Variants in SLC25A24 observed in about 807,000 individuals in gnomAD.
The protein encoded by SLC25A24 is solute carrier family 25 member 24, also known as mitochondrial adenyl nucleotide antiporter SLC25A24.
SLC25A24 carries 49 observed loss-of-function variants against 60.7 expected under a neutral mutation model. The observed-to-expected ratio is 0.81, with a 90% CI of 0.64 to 1.02. The LOEUF (loss-of-function observed/expected upper bound fraction) is 1.02. Ranked by LOEUF, SLC25A24 falls within the 50% of genes least tolerant of loss-of-function variation. The pLI is 0.00. For missense variants in SLC25A24, 564 were observed against 586.3 expected (o/e 0.96, Z 0.39); for synonymous variants, 202 against 200.6 (o/e 1.01, Z -0.06).
rs1446538723 is a variant in SLC25A24 at position 108,200,196 on chromosome 1, G to A, written c.-58C>T. The A allele has an allele frequency of 6.8e-7, 1 of 1,462,898 alleles. No homozygotes were observed. The highest frequency in any genetic ancestry group is 2.7e-5 in the East Asian group (1 of 37,590). The allele number at this position is 1,462,898 out of a possible 1,614,324, so 90.6% of individuals were successfully genotyped here. A position where few individuals can be genotyped will look rare whatever the true frequency, so the allele number is the denominator to read the frequency against. On this transcript the variant is annotated 5_prime_UTR_variant, in exon 1 of 10. Coordinates refer to ENST00000565488, the MANE Select transcript of SLC25A24 (RefSeq NM_013386.5). Reference sequence around the variant, plus strand: ...AGTCACGGGAGATCGAGGGCTGCGGGGCGAGACCGGGACCAGCGCGAGGCC... The same window carrying A: ...AGTCACGGGAGATCGAGGGCTGCGGAGCGAGACCGGGACCAGCGCGAGGCC...
intron 1 of SLC25A24, chr1:108,199,443 C>G: frequency 6.2e-6 from 1 of 162,404 alleles, no homozygotes. Flanking sequence ...AATGGAATGC[C>G]GCCATTCCTT....
At chr1:108,160,039 C>T (rs1189129632) in intron 4 of SLC25A24, among the ~76,000 whole-genome samples, 21 of 151,102 alleles carry the variant, frequency 1.4e-4, no homozygotes, top group African/African-American at 3.4e-4. Flanking sequence ...CCTGTAGGGG[C>T]GGCCGGGCAG....
At chr1:108,183,328 T>C (rs1350702763) in intron 2 of SLC25A24, among the ~76,000 whole-genome samples, 1 of 152,198 alleles carries the variant, frequency 6.6e-6, no homozygotes, top group Non-Finnish European at 1.5e-5. Context: ...ATTATGCAAA[T>C]ACCCTTCTGA....
intron 5 of SLC25A24, among the ~76,000 whole-genome samples, chr1:108,155,706 T>G (rs922945406): frequency 2.2e-4 from 34 of 152,110 alleles, no homozygotes; most frequent in African/African-American, 8.2e-4. Context: ...AAATAAAAAT[T>G]GCACCCTCTT....
At chr1:108,153,183 C>G (rs1210468752) in intron 6 of SLC25A24, among the ~76,000 whole-genome samples, 2 of 152,186 alleles carry the variant, frequency 1.3e-5, no homozygotes, top group African/African-American at 4.8e-5. Flanking sequence ...CACACTATTA[C>G]ACTGTCAATG....
At chr1:108,162,605 T>A (rs1680119327) in intron 3 of SLC25A24, among the ~76,000 whole-genome samples, 1 of 152,186 alleles carries the variant, frequency 6.6e-6, no homozygotes, top group Non-Finnish European at 1.5e-5. Flanking sequence ...TCGAGAAGTG[T>A]CTGTTCATGT....
chr1:108,161,372 G>A, intron 3 of SLC25A24, 79 bp from the exon 4 acceptor site: 1 of 756,896 alleles, frequency 1.3e-6, no homozygotes, highest in Non-Finnish European at 2.3e-6. Flanking sequence ...TTTACAGAAT[G>A]ACAGTTTCTT....
intron 1 of SLC25A24, among the ~76,000 whole-genome samples, chr1:108,198,160 A>T (rs2101651129): frequency 6.6e-6 from 1 of 152,302 alleles, no homozygotes; most frequent in South Asian, 2.1e-4. Context: ...AGCCTGCGGA[A>T]CTGTGAGCTA....
chr1:108,151,060 G>A (rs566468621), intron 6 of SLC25A24, among the ~76,000 whole-genome samples: 1 of 152,070 alleles, frequency 6.6e-6, no homozygotes, highest in African/African-American at 2.4e-5. Context: ...AATTAGCTGG[G>A]TGTTGTGGTG....
At chr1:108,158,077 C>A (rs935441450) in intron 4 of SLC25A24, among the ~76,000 whole-genome samples, 11 of 152,026 alleles carry the variant, frequency 7.2e-5, no homozygotes, top group African/African-American at 2.7e-4. Flanking sequence ...CATATTTATA[C>A]CATGATATGT....
chr1:108,174,341 C>G (rs1328822073), intron 3 of SLC25A24, among the ~76,000 whole-genome samples: 1 of 152,190 alleles, frequency 6.6e-6, no homozygotes, highest in Non-Finnish European at 1.5e-5. Context: ...GGTGCAAGCC[C>G]CAAGCCCTGG....
intron 3 of SLC25A24, 65 bp downstream of exon 3, chr1:108,181,876 A>C: frequency 8.4e-7 from 1 of 1,188,382 alleles, no homozygotes; most frequent in Non-Finnish European, 1.2e-6. Context: ...CACACTTACA[A>C]ACACAGAGTT....
rs1298563046 is a variant in SLC25A24, at chr1:108,157,467, T to A, written c.664A>T (p.Met222Leu). The change falls in exon 5 of 10, where the codon ATG becomes TTG. Residue 222 changes from methionine to leucine, a missense_variant. Physicochemically the swap from Met to Leu is conservative, Grantham distance 15. Coordinates refer to ENST00000565488, the MANE Select transcript of SLC25A24 (RefSeq NM_013386.5). ...CACACGATAATAAAGCTCACCTGCATCATGATTTTCAGACGGTCCAAAGGG... is the reference window on the plus strand; with the variant it reads ...CACACGATAATAAAGCTCACCTGCAACATGATTTTCAGACGGTCCAAAGGG... ...TAPLDRLKIM[M>L]QVHGSKSDKM... The A allele has an allele frequency of 6.2e-7, 1 of 1,613,538 alleles. No homozygotes were observed. The highest frequency in any genetic ancestry group is 8.5e-7 in the Non-Finnish European group (1 of 1,179,660).
Position 108,181,966 on chromosome 1 carries a change from G to T in SLC25A24, c.373C>A (p.Gln125Lys), listed in dbSNP as rs143444253. ...CTTTGAAGAATCAACTCTGCTTGTT[G>T]TTCAGAAATAGTCAGACCCAGTGTC... is the stretch of plus-strand genomic sequence containing the variant. ...LQTLGLTISEQQAELILQSID... is the reference protein window; with the variant it reads ...LQTLGLTISEKQAELILQSID... Residue 125 changes from glutamine to lysine, a missense_variant, in exon 3 of 10, where the codon CAA (glutamine) becomes AAA (lysine). Transcript: ENST00000565488. 94 of 1,611,938 alleles carry T rather than the reference G, an allele frequency of 5.8e-5. 1 individual carries two copies. Among genetic ancestry groups the T allele is most frequent in the Middle Eastern group, 1.6e-4 (1 of 6,068 alleles).
chr1:108,197,073 T>C (rs1648519567), intron 1 of SLC25A24, among the ~76,000 whole-genome samples: 2 of 151,398 alleles, frequency 1.3e-5, no homozygotes, highest in African/African-American at 4.9e-5. Flanking sequence ...GTGAGGAGAT[T>C]TGGAACATAC....
intron 7 of SLC25A24, among the ~76,000 whole-genome samples, chr1:108,146,816 C>CTGCATT (rs1679606597): frequency 6.6e-6 from 1 of 152,096 alleles, no homozygotes; most frequent in African/African-American, 2.4e-5. Flanking sequence ...ATTCAGTTTG[C>CTGCATT]CAGTATTTTA....
intron 3 of SLC25A24, among the ~76,000 whole-genome samples, chr1:108,174,561 A>T (rs1284398431): frequency 6.6e-6 from 1 of 152,156 alleles, no homozygotes. Flanking sequence ...TCCCCACTGG[A>T]GCACTGCCTA....
At chr1:108,141,406 T>C (rs147926411) in intron 8 of SLC25A24, among the ~76,000 whole-genome samples, 3 of 152,228 alleles carry the variant, frequency 2.0e-5, no homozygotes, top group East Asian at 1.9e-4. Flanking sequence ...TGTACATTGA[T>C]AGAAATGTTA....
intron 3 of SLC25A24, among the ~76,000 whole-genome samples, chr1:108,166,467 A>C (rs907805089): frequency 9.9e-5 from 15 of 152,030 alleles, no homozygotes; most frequent in Non-Finnish European, 1.8e-4. Context: ...ACATAGTCCC[A>C]TATTTCTTGG....
Sources: gnomAD v4.1 joint callset for allele counts (sites outside exome capture counted in the v4.1 genomes callset) on GRCh38, gnomAD v4.1.1 for gene constraint, MANE v1.5 for transcripts, NCBI Gene and HGNC (gene_info 2026-07-23, HGNC 2026-07-21) for gene names.